SPIN1: variants seen among roughly 807,000 people sequenced by gnomAD.
SPIN1 encodes spindlin-1.
SPIN1 carries 3 observed loss-of-function variants against 26.0 expected under a neutral mutation model. The ratio of observed to expected loss-of-function variants is 0.12; its 90% CI spans 0.05 to 0.30. The LOEUF (loss-of-function observed/expected upper bound fraction) is 0.30, where lower values mean the gene tolerates loss of function less well. Among genes scored for constraint, SPIN1 ranks in the 10% least tolerant of loss-of-function variants. The pLI is 1.00. For synonymous variants in SPIN1, 101 were observed against 116.5 expected, an observed-to-expected ratio of 0.87 and a Z score of 0.86; for missense variants, 126 against 333.4, an observed-to-expected ratio of 0.38 and a Z score of 4.84.
chr9:88,466,008 A>G (rs550454685), intron 4 of SPIN1, among the ~76,000 whole-genome samples: 2 of 152,214 alleles, frequency 1.3e-5, no homozygotes, highest in South Asian at 4.1e-4. Context: ...TTGATAGGAA[A>G]TAGTTATTTT....
chr9:88,442,901 C>G (rs1039831732), intron 2 of SPIN1, among the ~76,000 whole-genome samples: 2 of 151,848 alleles, frequency 1.3e-5, no homozygotes, highest in African/African-American at 4.8e-5. Flanking sequence ...GCGGGCAAAT[C>G]ACGAGGTCAG....
intron 3 of SPIN1, among the ~76,000 whole-genome samples, chr9:88,458,316 TAATAAG>T (rs902359750): frequency 1.3e-5 from 2 of 151,858 alleles, no homozygotes; most frequent in African/African-American, 2.4e-5. Context: ...GGCTAACTCT[TAATAAG>T]AAGATGAGGA....
intron 3 of SPIN1, among the ~76,000 whole-genome samples, chr9:88,455,054 A>C (rs1828443352): frequency 6.6e-6 from 1 of 152,256 alleles, no homozygotes; most frequent in Non-Finnish European, 1.5e-5. Flanking sequence ...CTCTTGAATC[A>C]CAAAAAGGCA....
At chr9:88,472,962 G>T (rs916450481) in intron 5 of SPIN1, among the ~76,000 whole-genome samples, 19 of 152,098 alleles carry the variant, frequency 1.2e-4, no homozygotes, top group African/African-American at 4.3e-4. Flanking sequence ...GATGTAACTG[G>T]TAGGCCCTCT....
intron 1 of SPIN1, among the ~76,000 whole-genome samples, chr9:88,397,525 T>C (rs182793687): frequency 6.6e-6 from 1 of 152,248 alleles, no homozygotes; most frequent in Non-Finnish European, 1.5e-5. Context: ...GCATCACTTT[T>C]AATGAAATTT....
At chr9:88,424,654 A>G (rs749049544) in intron 1 of SPIN1, among the ~76,000 whole-genome samples, 3 of 152,230 alleles carry the variant, frequency 2.0e-5, no homozygotes, top group Non-Finnish European at 4.4e-5. Flanking sequence ...TCAGTGTAAG[A>G]AAACTAGAAT....
intron 3 of SPIN1, chr9:88,457,948 C>T (rs1293175832): frequency 1.6e-5 from 16 of 985,164 alleles, no homozygotes; most frequent in Non-Finnish European, 1.8e-5. Context: ...TTCAGCAATG[C>T]AGTAGAATTA....
chr9:88,389,262 A>G (rs1826866094), intron 1 of SPIN1: 1 of 152,210 alleles, frequency 6.6e-6, no homozygotes, highest in African/African-American at 2.4e-5. Context: ...AGAGACAGGC[A>G]CTTTTCCTCT....
At chr9:88,423,757 G>A (rs2118012848) in intron 1 of SPIN1, among the ~76,000 whole-genome samples, 1 of 139,942 alleles carries the variant, frequency 7.1e-6, no homozygotes, top group Non-Finnish European at 1.5e-5. Flanking sequence ...AAAAGCTCTT[G>A]ATCTTCTTTA....
At chr9:88,446,058 A>G (rs558090076) in intron 2 of SPIN1, among the ~76,000 whole-genome samples, 1 of 152,226 alleles carries the variant, frequency 6.6e-6, no homozygotes, top group South Asian at 2.1e-4. Flanking sequence ...TCTGCTTGTT[A>G]TATCAACTGC....
At chr9:88,457,972 T>C in intron 3 of SPIN1, 1 of 985,422 alleles carries the variant, frequency 1.0e-6, no homozygotes, top group Non-Finnish European at 1.2e-6. Flanking sequence ...AGGTAAGGTT[T>C]TAAGTTTTTC....
chr9:88,410,852 G>C, intron 1 of SPIN1: 1 of 917,598 alleles, frequency 1.1e-6, no homozygotes, highest in Admixed American at 1.7e-5. Flanking sequence ...CCACCTCCAC[G>C]ACCACCACGT....
chr9:88,419,542 A>G (rs888198852), intron 1 of SPIN1, among the ~76,000 whole-genome samples: 8 of 152,278 alleles, frequency 5.3e-5, no homozygotes, highest in African/African-American at 1.9e-4. Context: ...TTTGAGTGCT[A>G]TTTATTTTGT....
chr9:88,448,254 G>T (rs1828290277), intron 2 of SPIN1, among the ~76,000 whole-genome samples: 1 of 152,118 alleles, frequency 6.6e-6, no homozygotes, highest in South Asian at 2.1e-4. Flanking sequence ...ATCTTGGCCG[G>T]GCTGGTCTCG....
intron 3 of SPIN1, among the ~76,000 whole-genome samples, chr9:88,458,692 G>A (rs1828522141): frequency 6.6e-6 from 1 of 152,130 alleles, no homozygotes; most frequent in Admixed American, 6.5e-5. Context: ...AACACATGAG[G>A]AGGGAAGCGG....
chr9:88,428,722 A>G (rs1418498098), intron 2 of SPIN1, among the ~76,000 whole-genome samples: 1 of 152,132 alleles, frequency 6.6e-6, no homozygotes, highest in Admixed American at 6.6e-5. Context: ...TGATTTTTTT[A>G]TGGCATATGG....
rs550599103 is a variant in SPIN1, at chr9:88,435,491, T to C, written c.52+8900T>C. Among the ~76,000 whole-genome samples the C allele has an allele frequency of 3.9e-5, 6 of 152,282 alleles. No homozygotes were observed. In the South Asian group the frequency reaches 1.2e-3, roughly 32 times the overall value. ...TTGCATTCTTACCAGCAATAAAATA[T>C]GTAAAGAGTTTCTCTCTTCTCACAG... On this transcript the variant is annotated intron_variant, in intron 2 of 5. Coordinates refer to ENST00000375859, the MANE Select transcript of SPIN1 (RefSeq NM_006717.3).
At chr9:88,468,345 C>CTTTTTTT (rs10541463) in intron 4 of SPIN1, 27 bp from the exon 5 acceptor site, 2 of 1,319,346 alleles carry the variant, frequency 1.5e-6, no homozygotes, top group East Asian at 2.6e-5. Flanking sequence ...ACTTTGTCAA[C>CTTTTTTT]TTTTTTTTTT....
chr9:88,435,407 A>G (rs1249010540), intron 2 of SPIN1, among the ~76,000 whole-genome samples: 3 of 151,808 alleles, frequency 2.0e-5, no homozygotes, highest in South Asian at 2.1e-4. Flanking sequence ...GGGTTTTACC[A>G]TGTTGACCAG....
Sources: allele counts gnomAD v4.1 joint callset (sites outside exome capture counted in the v4.1 genomes callset), GRCh38; gene constraint gnomAD v4.1.1; transcripts MANE v1.5; gene names NCBI Gene and HGNC (gene_info 2026-07-23, HGNC 2026-07-21).